TMEFF2: variants seen among roughly 807,000 people sequenced by gnomAD.
TMEFF2 encodes tomoregulin-2.
In TMEFF2, 28 loss-of-function variants were observed where a neutral mutation model predicts 53.8. The ratio of observed to expected loss-of-function variants is 0.52; its 90% CI spans 0.39 to 0.71. TMEFF2 has a LOEUF of 0.71. TMEFF2 is among the 30% of genes least tolerant of loss of function. The probability of loss-of-function intolerance (pLI) is 0.00; values close to 1 mark genes in which losing one functional copy is unlikely to be tolerated. For missense variants in TMEFF2, 353 were observed against 455.2 expected (o/e 0.78, Z 2.04); for synonymous variants, 162 against 166.3 (o/e 0.97, Z 0.20).
intron 7 of TMEFF2, among the ~76,000 whole-genome samples, chr2:191,979,612 A>C (rs973874063): frequency 2.0e-5 from 3 of 152,238 alleles, no homozygotes; most frequent in African/African-American, 7.2e-5. Flanking sequence ...TGACATTTTC[A>C]AATGCCATAC....
At chr2:192,151,138 T>G (rs976266644) in intron 4 of TMEFF2, among the ~76,000 whole-genome samples, 4 of 151,838 alleles carry the variant, frequency 2.6e-5, no homozygotes, top group African/African-American at 7.2e-5. Context: ...TCTGCTACCA[T>G]GTAAGACATG....
chr2:192,129,337 T>C (rs930762235), intron 4 of TMEFF2, among the ~76,000 whole-genome samples: 6 of 150,212 alleles, frequency 4.0e-5, no homozygotes, highest in African/African-American at 1.5e-4. Flanking sequence ...GAAAGCAGTA[T>C]ACTCTGACAC....
chr2:192,151,493 T>C (rs137957855), intron 4 of TMEFF2, among the ~76,000 whole-genome samples: 4 of 151,874 alleles, frequency 2.6e-5, no homozygotes, highest in African/African-American at 9.7e-5. Flanking sequence ...AGAGCAACTA[T>C]GTTGATTAAG....
chr2:191,990,651 G>T (rs1370371814), intron 7 of TMEFF2, among the ~76,000 whole-genome samples: 1 of 151,798 alleles, frequency 6.6e-6, no homozygotes, highest in Non-Finnish European at 1.5e-5. Flanking sequence ...ACTAGCAATT[G>T]TCTAGATGTT....
At chr2:192,174,378 C>G (rs1309127147) in intron 4 of TMEFF2, among the ~76,000 whole-genome samples, 1 of 151,680 alleles carries the variant, frequency 6.6e-6, no homozygotes, top group Non-Finnish European at 1.5e-5. Flanking sequence ...GTCCCTTTCT[C>G]CTCCCTTTTC....
intron 8 of TMEFF2, among the ~76,000 whole-genome samples, chr2:191,955,495 T>C (rs1692046238): frequency 1.4e-5 from 2 of 145,026 alleles, no homozygotes; most frequent in South Asian, 2.2e-4. Context: ...GACTACAGGT[T>C]GCATGCCACC....
intron 5 of TMEFF2, among the ~76,000 whole-genome samples, chr2:192,050,682 G>A (rs1398149880): frequency 2.0e-5 from 3 of 152,142 alleles, no homozygotes; most frequent in Non-Finnish European, 4.4e-5. Context: ...CCTGGGCATT[G>A]TTTAATGCCC....
chr2:192,188,532 G>A (rs1459547877), intron 2 of TMEFF2, among the ~76,000 whole-genome samples: 1 of 152,114 alleles, frequency 6.6e-6, no homozygotes, highest in Non-Finnish European at 1.5e-5. Flanking sequence ...CTACCAAAAT[G>A]GCAGATTCAT....
intron 4 of TMEFF2, among the ~76,000 whole-genome samples, chr2:192,077,922 G>A (rs1279741887): frequency 6.6e-6 from 1 of 151,938 alleles, no homozygotes; most frequent in African/African-American, 2.4e-5. Flanking sequence ...CTGACTCCTT[G>A]CCACCCCCGT....
rs1574440097 is a variant in TMEFF2, at chr2:192,179,705, A to G, written c.413-11T>C. 1.3e-6 allele frequency: 2 copies of G among 1,513,106 alleles called. No individual in the cohort carries two copies. The highest frequency in any genetic ancestry group is 2.6e-5 in the Admixed American group (1 of 38,964). The allele number at this position is 1,513,106 out of a possible 1,614,324, so 93.7% of individuals were successfully genotyped here. On this transcript the variant is annotated splice_polypyrimidine_tract_variant and intron_variant, in intron 3 of 9. Coordinates refer to ENST00000272771, the MANE Select transcript of TMEFF2 (RefSeq NM_016192.4). Reference sequence around the variant, plus strand: ...ATCCTGATCCTGCATCTGTGGGGGGAAAAGTTATATTTGCTAGTAAAACAT... The same window carrying G: ...ATCCTGATCCTGCATCTGTGGGGGGGAAAGTTATATTTGCTAGTAAAACAT...
In TMEFF2 at chr2:192,146,868, G is replaced by A. The variant is rs540635981; in HGVS notation, c.439+32800C>T. ...TTACAGCGTAAGCTAAGCAATACTG[G>A]TTGTCTATGAGTCTGCAGGGGAATT... On this transcript the variant is annotated intron_variant, in intron 4 of 9. Transcript: ENST00000272771. 2.4e-4 allele frequency among the ~76,000 whole-genome samples: 37 copies of A among 152,166 alleles called. No individual in the cohort carries two copies. The South Asian group carries it at 7.0e-3, about 29-fold the overall frequency.
At chr2:192,082,853 A>C (rs959049976) in intron 4 of TMEFF2, among the ~76,000 whole-genome samples, 8 of 152,186 alleles carry the variant, frequency 5.3e-5, no homozygotes, top group Admixed American at 2.0e-4. Context: ...TACAAAAAAA[A>C]CGGAAGAGAG....
intron 4 of TMEFF2, among the ~76,000 whole-genome samples, chr2:192,100,614 C>G (rs974362139): frequency 1.3e-5 from 2 of 152,154 alleles, no homozygotes; most frequent in South Asian, 2.1e-4. Context: ...CAAAAACCAA[C>G]TAGTGGCTTA....
chr2:192,182,719 A>G (rs994388204), intron 3 of TMEFF2, among the ~76,000 whole-genome samples: 4 of 151,970 alleles, frequency 2.6e-5, no homozygotes, highest in African/African-American at 7.2e-5. Flanking sequence ...AAAAGAACAG[A>G]TATCCTCCAT....
chr2:192,168,559 G>T (rs1317221325), intron 4 of TMEFF2, among the ~76,000 whole-genome samples: 1 of 152,118 alleles, frequency 6.6e-6, no homozygotes, highest in East Asian at 1.9e-4. Context: ...GAATGAGGTA[G>T]ATCACAAGTT....
intron 7 of TMEFF2, among the ~76,000 whole-genome samples, chr2:191,963,368 T>G (rs965640456): frequency 3.9e-5 from 6 of 152,194 alleles, no homozygotes; most frequent in African/African-American, 1.2e-4. Context: ...TGAGCTTCAT[T>G]GGTGACAATG....
At chr2:192,155,299 T>A (rs1690481932) in intron 4 of TMEFF2, among the ~76,000 whole-genome samples, 1 of 152,014 alleles carries the variant, frequency 6.6e-6, no homozygotes, top group African/African-American at 2.4e-5. Context: ...GCTATCCTTG[T>A]CACTTTGGCT....
In TMEFF2 at chr2:192,194,122, A is replaced by T. The variant is rs1445420244; in HGVS notation, c.172+231T>A. Among the ~76,000 whole-genome samples, 1 of 152,184 alleles carries T rather than the reference A, an allele frequency of 6.6e-6. No homozygotes were observed. The highest frequency in any genetic ancestry group is 1.5e-5 in the Non-Finnish European group (1 of 68,026). ...TCGCAGCTCCAATGTAAGCGCAAGC[A>T]TGCAAAGGTTTCCTGCTACACCTGC... is the stretch of plus-strand genomic sequence containing the variant. On this transcript the variant is annotated intron_variant, in intron 1 of 9. Transcript: ENST00000272771. The surrounding 1 kb of genome is among the most constrained non-coding windows in gnomAD (Gnocchi z 4.2).
At chr2:192,135,374 C>T in intron 4 of TMEFF2, among the ~76,000 whole-genome samples, 1 of 133,778 alleles carries the variant, frequency 7.5e-6, no homozygotes, top group East Asian at 2.1e-4. Flanking sequence ...ACCTTTTATA[C>T]CTGTTTTTCT....
Sources: gnomAD v4.1 joint callset for allele counts (sites outside exome capture counted in the v4.1 genomes callset) on GRCh38, gnomAD v4.1.1 for gene constraint, Gnocchi (gnomAD v3.1) non-coding constraint, MANE v1.5 for transcripts, NCBI Gene and HGNC (gene_info 2026-07-23, HGNC 2026-07-21) for gene names.